The following CD81 variants were observed in gnomAD, a reference collection of about 807,000 sequenced individuals.
CD81 encodes CD81 molecule.
CD81 carries 10 observed loss-of-function variants against 30.1 expected under a neutral mutation model. The ratio of observed to expected loss-of-function variants is 0.33; its 90% CI spans 0.21 to 0.56. The LOEUF is 0.56. Ranked by LOEUF, CD81 falls within the 20% of genes least tolerant of loss-of-function variation. The probability of loss-of-function intolerance (pLI) is 0.89; values close to 1 mark genes in which losing one functional copy is unlikely to be tolerated. For missense variants in CD81, 263 were observed against 308.7 expected (o/e 0.85, Z 1.11); for synonymous variants, 147 against 126.4 (o/e 1.16, Z -1.10).
upstream of CD81, among the ~76,000 whole-genome samples, chr11:2,377,097 C>A (rs1849604877): frequency 6.6e-6 from 1 of 152,220 alleles, no homozygotes; most frequent in Non-Finnish European, 1.5e-5. This position sits in a 1 kb window ranked among gnomAD's most constrained non-coding sequence, Gnocchi z 7.7. Flanking sequence ...AGCTTGGGGA[C>A]GCCTCCCGCG....
At chr11:2,376,573 C>G (rs1040115408), upstream of CD81, among the ~76,000 whole-genome samples, 2 of 152,224 alleles carry the variant, frequency 1.3e-5, no homozygotes, top group Non-Finnish European at 2.9e-5. Context: ...GCTGGCATCC[C>G]TGGGGCACGA....
intron 6 of CD81, 86 bp downstream of exon 6, chr11:2,396,056 G>T: frequency 5.5e-6 from 4 of 729,794 alleles, no homozygotes; most frequent in Non-Finnish European, 6.9e-6. Context: ...TCACACGGCA[G>T]CCCCACAGGG....
intron 1 of CD81, among the ~76,000 whole-genome samples, chr11:2,380,714 GTT>G (rs1450611965): frequency 2.0e-5 from 3 of 152,162 alleles, no homozygotes; most frequent in African/African-American, 7.2e-5. Context: ...GGGCAGGAGA[GTT>G]TGTGTCCCGG....
rs1849645125 is a variant in CD81 at position 2,378,700 on chromosome 11, G to A, written c.66+1085G>A. Among the ~76,000 whole-genome samples, 1 of 152,212 alleles carries A rather than the reference G, an allele frequency of 6.6e-6. No individual in the cohort carries two copies. ...GTGGCCACGCCCCTGGGCATAGACTGCAAGCCCCTCCCCGTGCCCCCCAGG... is the reference window on the plus strand; with the variant it reads ...GTGGCCACGCCCCTGGGCATAGACTACAAGCCCCTCCCCGTGCCCCCCAGG... On this transcript the variant is annotated intron_variant, in intron 1 of 7. Coordinates refer to ENST00000263645, the MANE Select transcript of CD81 (RefSeq NM_004356.4). The surrounding 1 kb of genome is among the most constrained non-coding windows in gnomAD (Gnocchi z 4.9).
intron 1 of CD81, among the ~76,000 whole-genome samples, chr11:2,387,981 CA>C (rs1195446321): frequency 6.6e-6 from 1 of 152,214 alleles, no homozygotes; most frequent in Non-Finnish European, 1.5e-5. Flanking sequence ...AGTCCTGCTA[CA>C]GGGGGACCAT....
chr11:2,394,050 G>A (rs375102275), intron 2 of CD81, 45 bp from the exon 3 acceptor site: 2 of 1,460,746 alleles, frequency 1.4e-6, no homozygotes, highest in East Asian at 2.3e-5. Flanking sequence ...GTCTTGGGCT[G>A]TGGCGAGTGT....
chr11:2,383,446 G>A (rs12417781), intron 1 of CD81, among the ~76,000 whole-genome samples: 2 of 152,146 alleles, frequency 1.3e-5, no homozygotes, highest in African/African-American at 2.4e-5. Context: ...GGCCCCCAGC[G>A]TCCCTTCCTG....
intron 4 of CD81, 147 bp from the exon 5 acceptor site, chr11:2,395,269 G>T (rs1375354004): frequency 2.6e-6 from 2 of 759,432 alleles, no homozygotes; most frequent in Non-Finnish European, 2.3e-6. Context: ...GCAGCTGAGA[G>T]TGCAGAGTCC....
chr11:2,387,918 G>A (rs1181147681), intron 1 of CD81, among the ~76,000 whole-genome samples: 1 of 152,254 alleles, frequency 6.6e-6, no homozygotes, highest in African/African-American at 2.4e-5. Context: ...AAGAAGGTCT[G>A]AGAAACCACA....
intron 1 of CD81, among the ~76,000 whole-genome samples, chr11:2,380,724 C>T (rs116622774): frequency 0.014 from 2,090 of 152,182 alleles, 45 homozygotes; most frequent in African/African-American, 0.047. Context: ...GTTTGTGTCC[C>T]GGGACAGGGA....
At chr11:2,386,465 C>T in intron 1 of CD81, 1 of 694,514 alleles carries the variant, frequency 1.4e-6, no homozygotes, top group African/African-American at 1.8e-5. Context: ...CCATTGCCCT[C>T]CCTCGTAGGT....
intron 3 of CD81, among the ~76,000 whole-genome samples, chr11:2,394,412 A>T (rs1849960331): frequency 6.6e-6 from 1 of 152,220 alleles, no homozygotes; most frequent in Non-Finnish European, 1.5e-5. Flanking sequence ...TTGTCAAAAA[A>T]TAGCCACAAA....
chr11:2,395,153 G>GC, intron 4 of CD81, 107 bp downstream of exon 4: 1 of 948,956 alleles, frequency 1.1e-6, no homozygotes. Flanking sequence ...AGCTCTTTGG[G>GC]CTCTTCCTGG....
chr11:2,393,812 C>T, intron 2 of CD81: 1 of 628,310 alleles, frequency 1.6e-6, no homozygotes. Context: ...AGGTGTCATC[C>T]CTGCGAAGCA....
chr11:2,395,556 C>A, intron 5 of CD81, 36 bp downstream of exon 5: 2 of 1,512,684 alleles, frequency 1.3e-6, no homozygotes, highest in Non-Finnish European at 1.8e-6. Flanking sequence ...GGAGCAGGGC[C>A]CCGGGAACCC....
rs116421908 is a variant in CD81, at chr11:2,395,524, C to T, written c.459+4C>T. On this transcript the variant is annotated splice_donor_region_variant and intron_variant, in intron 5 of 7. Transcript: ENST00000263645. ...GGTGAAGACCTTCCACGAGACGGTG[C>T]GGCCCCGGGGGGCGAGGGCGGGGAG... 3,944 of 1,610,280 alleles carry T rather than the reference C, an allele frequency of 2.4e-3. 88 individuals are homozygous for T. The African/African-American group carries it at 0.045, about 19-fold the overall frequency.
At chr11:2,395,706 G>A (rs113873912) in intron 5 of CD81, 163 bp from the exon 6 acceptor site, 17 of 751,436 alleles carry the variant, frequency 2.3e-5, no homozygotes, top group Non-Finnish European at 3.2e-5. Context: ...CCCAGGGTGC[G>A]GAAAGCTCTG....
At chr11:2,390,575 G>A in intron 2 of CD81, 49 bp downstream of exon 2, 3 of 1,341,684 alleles carry the variant, frequency 2.2e-6, no homozygotes, top group Non-Finnish European at 1.1e-6. Context: ...CTTCTAGGAG[G>A]AGGCAGGTCC....
chr11:2,393,840 G>C (rs1849947049), intron 2 of CD81: 2 of 653,506 alleles, frequency 3.1e-6, no homozygotes, highest in Non-Finnish European at 5.6e-6. Flanking sequence ...CCAGCACTCA[G>C]AGCGCTCATG....
Sources: allele counts gnomAD v4.1 joint callset (sites outside exome capture counted in the v4.1 genomes callset), GRCh38; gene constraint gnomAD v4.1.1; non-coding constraint Gnocchi (gnomAD v3.1); transcripts MANE v1.5; gene names NCBI Gene and HGNC (gene_info 2026-07-23, HGNC 2026-07-21).